The following DMD variants were observed in gnomAD, a reference collection of about 807,000 sequenced individuals.
The protein encoded by DMD is dystrophin.
In DMD, 63 loss-of-function variants were observed where a neutral mutation model predicts 330.1. The ratio of observed to expected loss-of-function variants is 0.19; its 90% CI spans 0.16 to 0.24. The LOEUF is 0.24. DMD is among the 10% of genes least tolerant of loss of function. DMD has a pLI of 1.00. For synonymous variants in DMD, 1,223 were observed against 959.8 expected (o/e 1.27, Z -5.07); for missense variants, 3,344 against 2,684.1 (o/e 1.25, Z -5.43).
intron 44 of DMD, among the ~76,000 whole-genome samples, chrX:32,104,965 T>TA (rs1296997038): frequency 8.9e-6 from 1 of 112,151 alleles, no homozygotes; most frequent in Non-Finnish European, 1.9e-5. Context: ...CCTGCTCCAG[T>TA]AAAAAACATC....
At chrX:32,586,970 T>A (rs1412280969) in intron 13 of DMD, among the ~76,000 whole-genome samples, 1 of 111,829 alleles carries the variant, frequency 8.9e-6, no homozygotes, top group African/African-American at 3.2e-5. Flanking sequence ...AAGTTTTTTT[T>A]AAATGCATTT....
intron 43 of DMD, among the ~76,000 whole-genome samples, chrX:32,218,256 C>A: frequency 9.0e-6 from 1 of 111,535 alleles, no homozygotes; most frequent in South Asian, 3.8e-4. Flanking sequence ...TGGACACTGA[C>A]GCTGTTATTT....
At chrX:31,190,040 C>T (rs975913477) in intron 67 of DMD, among the ~76,000 whole-genome samples, 1 of 112,196 alleles carries the variant, frequency 8.9e-6, no homozygotes, top group African/African-American at 3.2e-5. Flanking sequence ...ACACTTGGGG[C>T]CCTTGAAAGG....
chrX:32,108,266 T>TAAA (rs200172766), intron 44 of DMD, among the ~76,000 whole-genome samples: 1 of 111,055 alleles, frequency 9.0e-6, no homozygotes, highest in African/African-American at 3.3e-5. Context: ...TAAGATTGGT[T>TAAA]AAAAAAAATC....
chrX:31,523,031 T>C (rs1161923014), intron 55 of DMD, among the ~76,000 whole-genome samples: 1 of 111,359 alleles, frequency 9.0e-6, no homozygotes, highest in African/African-American at 3.3e-5. Flanking sequence ...TTGAGTGGGC[T>C]TGAGAATCAC....
intron 9 of DMD, among the ~76,000 whole-genome samples, chrX:32,656,784 A>G (rs760236003): frequency 5.4e-5 from 6 of 111,877 alleles, no homozygotes; most frequent in Admixed American, 9.5e-5. Context: ...ATAAATATTT[A>G]CTAAATTGTT....
intron 55 of DMD, among the ~76,000 whole-genome samples, chrX:31,565,442 T>A (rs755477499): frequency 8.9e-6 from 1 of 112,442 alleles, no homozygotes; most frequent in South Asian, 3.7e-4. Context: ...TCTGTGGAGA[T>A]TGATCTAAAA....
At chrX:32,625,812 C>T (rs142098782) in intron 11 of DMD, among the ~76,000 whole-genome samples, 1,235 of 111,591 alleles carry the variant, frequency 0.011, 25 homozygotes, top group African/African-American at 0.027. Flanking sequence ...TACAAATTAC[C>T]AAGAGGTGTG....
At chrX:33,123,234 A>T (rs1277189626) in intron 1 of DMD, among the ~76,000 whole-genome samples, 2 of 111,898 alleles carry the variant, frequency 1.8e-5, no homozygotes, top group African/African-American at 6.5e-5. Flanking sequence ...TCACACAACG[A>T]TGAAATTACC....
chrX:31,821,440 C>T (rs1404571561), intron 49 of DMD, among the ~76,000 whole-genome samples: 1 of 112,270 alleles, frequency 8.9e-6, no homozygotes, highest in Non-Finnish European at 1.9e-5. Flanking sequence ...TTCTTGAGAA[C>T]ATAATAGACC....
chrX:32,062,362 T>C (rs1286226811), intron 44 of DMD, among the ~76,000 whole-genome samples: 1 of 111,168 alleles, frequency 9.0e-6, no homozygotes, highest in Non-Finnish European at 1.9e-5. Context: ...AGAAATATGT[T>C]CTTGAATAAT....
intron 2 of DMD, among the ~76,000 whole-genome samples, chrX:32,990,698 A>AAGC (rs1269757516): frequency 9.0e-6 from 1 of 111,499 alleles, no homozygotes; most frequent in African/African-American, 3.3e-5. Flanking sequence ...GATCCATGTA[A>AAGC]AGCAGTACTT....
chrX:32,456,834 G>A (rs868720925), intron 25 of DMD, among the ~76,000 whole-genome samples: 1 of 107,605 alleles, frequency 9.3e-6, no homozygotes, highest in Non-Finnish European at 1.9e-5. Flanking sequence ...AGTAGACTGG[G>A]GTATACATCA....
At chrX:32,696,058 G>C (rs1412850924) in intron 9 of DMD, among the ~76,000 whole-genome samples, 1 of 112,016 alleles carries the variant, frequency 8.9e-6, no homozygotes, top group Non-Finnish European at 1.9e-5. Flanking sequence ...GTGAGGGCAT[G>C]CACGTGTTTT....
At chrX:32,992,315 G>A (rs1300312352) in intron 2 of DMD, among the ~76,000 whole-genome samples, 2 of 111,848 alleles carry the variant, frequency 1.8e-5, no homozygotes, top group Non-Finnish European at 3.8e-5. Context: ...TGCCTTCAAA[G>A]CTATAGTAAT....
chrX:31,984,621 A>C (rs1404403431), intron 44 of DMD, among the ~76,000 whole-genome samples: 1 of 112,546 alleles, frequency 8.9e-6, no homozygotes, highest in Non-Finnish European at 1.9e-5. Flanking sequence ...AAAAAAACAC[A>C]AACAAGGCTT....
At chrX:32,668,772 T>C (rs184871890) in intron 9 of DMD, among the ~76,000 whole-genome samples, 89 of 110,275 alleles carry the variant, frequency 8.1e-4, no homozygotes, top group South Asian at 2.7e-3. Flanking sequence ...TTTTTTTTAA[T>C]GAAGGGAGGA....
At chrX:33,157,973 A>G (rs1430236501) in intron 1 of DMD, among the ~76,000 whole-genome samples, 1 of 111,747 alleles carries the variant, frequency 8.9e-6, no homozygotes, top group Non-Finnish European at 1.9e-5. Context: ...AAGAAAGTAA[A>G]TTAGAGAGAA....
chrX:32,783,802 C>T (rs760715091), intron 7 of DMD, among the ~76,000 whole-genome samples: 6 of 111,075 alleles, frequency 5.4e-5, no homozygotes, highest in South Asian at 3.8e-4. Flanking sequence ...GTTCCTAGAA[C>T]CAGTTCTCAG....
Sources: gnomAD v4.1 joint callset for allele counts (sites outside exome capture counted in the v4.1 genomes callset) on GRCh38, gnomAD v4.1.1 for gene constraint, MANE v1.5 for transcripts, NCBI Gene and HGNC (gene_info 2026-07-23, HGNC 2026-07-21) for gene names.